SPINT4: variants seen among roughly 807,000 people sequenced by gnomAD.
SPINT4 encodes serine peptidase inhibitor, Kunitz type 4, also known as kunitz-type protease inhibitor 4.
Under a neutral mutation model 9.4 loss-of-function variants are expected in SPINT4, and 7 were observed. The ratio of observed to expected loss-of-function variants is 0.74; its 90% confidence interval spans 0.42 to 1.40. SPINT4 has a LOEUF of 1.40. SPINT4 is among the 40% of genes most tolerant of loss of function. The pLI, the probability that SPINT4 is intolerant of heterozygous loss-of-function variation, is 0.01. For synonymous variants in SPINT4, 36 were observed against 39.9 expected (o/e 0.90, Z 0.37); for missense variants, 105 against 114.4 (o/e 0.92, Z 0.37).
At chr20:45,724,190 G>C in intron 2 of SPINT4, 133 bp downstream of exon 2, 2 of 1,011,906 alleles carry the variant, frequency 2.0e-6, no homozygotes, top group South Asian at 3.4e-5. Context: ...CAAATAAGAA[G>C]TTTTAACAGT....
chr20:45,723,756 C>A, intron 1 of SPINT4, 124 bp from the exon 2 acceptor site: 1 of 771,494 alleles, frequency 1.3e-6, no homozygotes, highest in Non-Finnish European at 2.0e-6. Flanking sequence ...CCACATCTTT[C>A]AGAGTCCTTG....
intron 1 of SPINT4, among the ~76,000 whole-genome samples, 182 bp from the exon 2 acceptor site, chr20:45,723,698 C>T (rs1051239151): frequency 5.3e-5 from 8 of 152,118 alleles, no homozygotes; most frequent in Admixed American, 5.2e-4. Flanking sequence ...AACCAATTTG[C>T]ATTGTGCAAG....
chr20:45,723,917 T>TG lies in SPINT4; in HGVS notation c.154dup (p.Glu52GlyfsTer5). On this transcript the variant is annotated frameshift_variant, in exon 2 of 3. Coordinates refer to ENST00000279058, the MANE Select transcript of SPINT4 (RefSeq NM_178455.3). LOFTEE classifies it high-confidence loss of function. ...TGGACATGAATTTTGGAAGCTGCTATGAAGTTCACTTTAGATATTTCTACA... is the reference window on the plus strand; with the variant it reads ...TGGACATGAATTTTGGAAGCTGCTATGGAAGTTCACTTTAGATATTTCTACA... 1 of 1,600,358 alleles carries TG rather than the reference T, an allele frequency of 6.2e-7. No individual in the cohort carries two copies. The highest frequency in any genetic ancestry group is 8.5e-7 in the Non-Finnish European group (1 of 1,176,604).
chr20:45,725,599 T>C lies in SPINT4; in HGVS notation c.294-30T>C, dbSNP rs1398269830. On this transcript the variant is annotated intron_variant, in intron 2 of 2. Coordinates refer to ENST00000279058, the MANE Select transcript of SPINT4 (RefSeq NM_178455.3). ...GACCTTCAAAAACCTGTAACACCGA[T>C]TTGGGTTTTTCTTTCCTTTGCTTAA... The C allele has an allele frequency of 5.0e-6, 8 of 1,613,420 alleles. No individual in the cohort carries two copies. The Admixed American group carries it at 1.3e-4, about 27-fold the overall frequency.
rs1252110902 is a variant in SPINT4, at chr20:45,724,996, ATAT to A, written c.294-632_294-630del. On this transcript the variant is annotated intron_variant, in intron 2 of 2. Coordinates refer to ENST00000279058, the MANE Select transcript of SPINT4 (RefSeq NM_178455.3). ...CTCCATCTCAAAAAAAAAAAAAAAA[ATAT>A]ATATATATATATATATATATATATA... Among the ~76,000 whole-genome samples the A allele has an allele frequency of 2.1e-4, 11 of 52,882 alleles. No individual in the cohort carries two copies. In the East Asian group the frequency reaches 3.7e-3, roughly 18 times the overall value. The allele number at this position is 52,882 out of a possible 152,430, so 34.7% of individuals were successfully genotyped here.
chr20:45,725,214 C>T lies in SPINT4; in HGVS notation c.294-415C>T, dbSNP rs143754793. Among the ~76,000 whole-genome samples the T allele has an allele frequency of 1.6e-3, 246 of 151,044 alleles. 2 individuals are homozygous for T. The highest frequency in any genetic ancestry group is 5.4e-3 in the African/African-American group (222 of 41,102). The stretch of plus-strand genomic sequence containing the variant: ...CAAACCAAATTCTTGCACTCTCATA[C>T]CTTTGAACTCTTCATAGCAACTTGC... On this transcript the variant is annotated intron_variant, in intron 2 of 2. Coordinates refer to ENST00000279058, the MANE Select transcript of SPINT4 (RefSeq NM_178455.3).
chr20:45,725,713 C>A lies in SPINT4; in HGVS notation c.*78C>A, dbSNP rs548839783. 131 of 1,564,512 alleles carry A rather than the reference C, an allele frequency of 8.4e-5. 1 individual carries two copies. The highest frequency in any genetic ancestry group is 1.1e-4 in the Non-Finnish European group (124 of 1,135,156). ...AGAAAATTCAGACTGATTTTGAAAT[C>A]TTTGTAATATTTCCATAATGCTTTA... is the stretch of plus-strand genomic sequence containing the variant. On this transcript the variant is annotated 3_prime_UTR_variant, in exon 3 of 3. Coordinates refer to ENST00000279058, the MANE Select transcript of SPINT4 (RefSeq NM_178455.3).
rs1268270906 is a variant in SPINT4 at position 45,723,846 on chromosome 20, A to G, written c.116-34A>G. The G allele has an allele frequency of 4.6e-6, 7 of 1,525,080 alleles. No individual in the cohort carries two copies. In the Admixed American group the frequency reaches 1.4e-4, roughly 30 times the overall value. 94.5% of individuals were successfully genotyped at this position (1,525,080 alleles called of 1,614,324 possible). A position where few individuals can be genotyped will look rare whatever the true frequency, so the allele number is the denominator to read the frequency against. ...AAGTTCTCCTGCTGAGTCCTTACCA[A>G]TTCCCACTAACTCAATGGGAACCTC... On this transcript the variant is annotated intron_variant, in intron 1 of 2. Transcript: ENST00000279058.
intron 1 of SPINT4, among the ~76,000 whole-genome samples, chr20:45,722,985 A>C (rs1984837479): frequency 1.3e-5 from 2 of 152,094 alleles, no homozygotes; most frequent in Admixed American, 1.3e-4. Flanking sequence ...CCAGGGGACG[A>C]GAAAGTAGCA....
At chr20:45,724,995 A>AAAAAAAAAAAAAAAT (rs1387842262) in intron 2 of SPINT4, among the ~76,000 whole-genome samples, 1 of 36,424 alleles carries the variant, frequency 2.7e-5, no homozygotes, top group African/African-American at 1.9e-4. Context: ...AAAAAAAAAA[A>AAAAAAAAAAAAAAAT]ATATATATAT....
Sources: allele counts gnomAD v4.1 joint callset (sites outside exome capture counted in the v4.1 genomes callset), GRCh38; gene constraint gnomAD v4.1.1; transcripts MANE v1.5; gene names NCBI Gene and HGNC (gene_info 2026-07-23, HGNC 2026-07-21).